MYO1F: variants seen among roughly 807,000 people sequenced by gnomAD.
The protein encoded by MYO1F is myosin IF, also known as unconventional myosin-If.
Under a neutral mutation model 146.6 loss-of-function variants are expected in MYO1F, and 60 were observed. That is an observed-to-expected ratio of 0.41 (90% CI 0.33 to 0.51). The LOEUF (loss-of-function observed/expected upper bound fraction) is 0.51, where lower values mean the gene tolerates loss of function less well. MYO1F is among the 20% of genes least tolerant of loss of function. The probability of loss-of-function intolerance (pLI) is 0.25; values close to 1 mark genes in which losing one functional copy is unlikely to be tolerated. For missense variants in MYO1F, 1,274 were observed against 1,534.3 expected, an observed-to-expected ratio of 0.83 and a Z score of 2.83; for synonymous variants, 602 against 602.1, an observed-to-expected ratio of 1.00 and a Z score of 0.00.
chr19:8,532,603 T>C (rs1230956835), intron 19 of MYO1F, among the ~76,000 whole-genome samples: 1 of 152,002 alleles, frequency 6.6e-6, no homozygotes, highest in Non-Finnish European at 1.5e-5. Context: ...AATGCAAATA[T>C]AGGCTGGGTG....
intron 9 of MYO1F, 44 bp from the exon 10 acceptor site, chr19:8,550,400 G>A (rs191128252): frequency 1.3e-6 from 2 of 1,591,320 alleles, no homozygotes; most frequent in Admixed American, 1.8e-5. Flanking sequence ...AGTTGGTTGG[G>A]CTCTTGTGCC....
At chr19:8,572,737 T>C (rs782431627) in intron 1 of MYO1F, among the ~76,000 whole-genome samples, 3 of 152,058 alleles carry the variant, frequency 2.0e-5, no homozygotes, top group African/African-American at 4.8e-5. Flanking sequence ...TCTCTGTTGC[T>C]CAGGCTGGAG....
chr19:8,548,003 GGAT>G, intron 12 of MYO1F, 30 bp downstream of exon 12: 3 of 655,630 alleles, frequency 4.6e-6, no homozygotes, highest in Non-Finnish European at 7.7e-6. Context: ...CCCCACCCCA[GGAT>G]CCCCCATCCC....
At position 8,543,966 on chromosome 19, in the gene MYO1F, GTGGTGC is replaced by G. The variant is rs1168863193; in HGVS notation, c.1524+325_1524+330del. On this transcript the variant is annotated intron_variant, in intron 14 of 27. Coordinates refer to ENST00000644032, the MANE Select transcript of MYO1F (RefSeq NM_012335.4). ...GGTGGTGCTGGTGGTGGTGGTGGTGGTGGTGCTGGTGCTGGTGCTGGTGGTGGTGCT... is the reference window on the plus strand; with the variant it reads ...GGTGGTGCTGGTGGTGGTGGTGGTGGTGGTGCTGGTGCTGGTGGTGGTGCT... 1.6e-3 allele frequency: 545 copies of G among 344,020 alleles called. 42 individuals are homozygous for G. In the African/African-American group the frequency reaches 0.018, roughly 11 times the overall value. The allele number at this position is 344,020 out of a possible 1,614,324, so 21.3% of individuals were successfully genotyped here.
chr19:8,550,045 C>T (rs1442063283), intron 10 of MYO1F, 115 bp downstream of exon 10: 1 of 1,242,558 alleles, frequency 8.0e-7, no homozygotes. Context: ...AAGAATGCTC[C>T]CAACTCAGCC....
In MYO1F at chr19:8,540,193, T is replaced by G. The variant is rs10411722; in HGVS notation, c.1611-165A>C. 1,072 of 580,046 alleles carry G rather than the reference T, an allele frequency of 1.8e-3. 11 individuals are homozygous for G. The African/African-American group carries it at 0.019, about 10-fold the overall frequency. The allele number at this position is 580,046 out of a possible 1,614,324, so 35.9% of individuals were successfully genotyped here. ...GCAGAGGGTTGGTTTTTTGGTTTGT[T>G]TTTTGAGGCAGGGCCTCGCTTTGTC... On this transcript the variant is annotated intron_variant, in intron 15 of 27. Coordinates refer to ENST00000644032, the MANE Select transcript of MYO1F (RefSeq NM_012335.4).
At chr19:8,572,299 G>T (rs983154131) in intron 1 of MYO1F, among the ~76,000 whole-genome samples, 5 of 151,564 alleles carry the variant, frequency 3.3e-5, no homozygotes, top group Non-Finnish European at 7.4e-5. Context: ...ACAGAGTCTC[G>T]CTCTGTTGCC....
rs533073184 is a variant in MYO1F, at chr19:8,538,765, A to AT, written c.1692+1181dup. 3.0e-3 allele frequency among the ~76,000 whole-genome samples: 449 copies of AT among 151,902 alleles called. 2 individuals carry two copies. Among genetic ancestry groups the AT allele is most frequent in the African/African-American group, 9.6e-3 (398 of 41,458 alleles). On this transcript the variant is annotated intron_variant, in intron 16 of 27. Coordinates refer to ENST00000644032, the MANE Select transcript of MYO1F (RefSeq NM_012335.4). Reference sequence around the variant, plus strand: ...ACTATGCTTGGCTAATTTTTAATTTATTTTTTATAGAGACGGGGTCTTGTT... The same window carrying AT: ...ACTATGCTTGGCTAATTTTTAATTTATTTTTTTATAGAGACGGGGTCTTGTT...
At chr19:8,573,246 G>A (rs192474834) in intron 1 of MYO1F, among the ~76,000 whole-genome samples, 1 of 152,226 alleles carries the variant, frequency 6.6e-6, no homozygotes, top group African/African-American at 2.4e-5. Context: ...AGGAGGTGGG[G>A]CTTGCAGTGA....
chr19:8,562,151 G>A (rs573639030), intron 1 of MYO1F, among the ~76,000 whole-genome samples: 97 of 146,512 alleles, frequency 6.6e-4, no homozygotes, highest in African/African-American at 2.3e-3. Context: ...TCTCCTGCCC[G>A]GCTAATTTTT....
intron 19 of MYO1F, among the ~76,000 whole-genome samples, chr19:8,532,804 T>C (rs1306453935): frequency 6.6e-6 from 1 of 151,588 alleles, no homozygotes; most frequent in African/African-American, 2.4e-5. Context: ...GGGAGGATTC[T>C]TTGAGCCCAG....
intron 1 of MYO1F, among the ~76,000 whole-genome samples, chr19:8,567,213 C>T (rs1442598286): frequency 1.3e-5 from 2 of 151,722 alleles, no homozygotes; most frequent in African/African-American, 4.8e-5. Flanking sequence ...ATTATAGGCA[C>T]CCACCACCAA....
chr19:8,544,000 T>TGCTGGCGGTGGCGGTGGC (rs1973207343), intron 14 of MYO1F: 1 of 153,202 alleles, frequency 6.5e-6, no homozygotes, highest in African/African-American at 9.0e-5. Context: ...GTGGTGCTGG[T>TGCTGGCGGTGGCGGTGGC]GGTGGCGGTG....
At chr19:8,562,877 G>A (rs2041931554) in intron 1 of MYO1F, among the ~76,000 whole-genome samples, 1 of 152,166 alleles carries the variant, frequency 6.6e-6, no homozygotes, top group Non-Finnish European at 1.5e-5. Context: ...AGTCATGCCG[G>A]TGGTGGCGTT....
At chr19:8,553,931 T>TCTC (rs1600001328) in intron 4 of MYO1F, among the ~76,000 whole-genome samples, 10 of 77,912 alleles carry the variant, frequency 1.3e-4, no homozygotes, top group South Asian at 4.9e-4. Flanking sequence ...CTCGCTCTCT[T>TCTC]TCTCTCTCTC....
rs1599921650 is a variant in MYO1F at position 8,530,478 on chromosome 19, G to A, written c.2139C>T (p.Tyr713=). 3.7e-6 allele frequency: 6 copies of A among 1,613,694 alleles called. 1 individual carries two copies. The highest frequency in any genetic ancestry group is 2.2e-5 in the South Asian group (2 of 91,082). ...TCTCACCTTCCTCCCGCATCTCCTC[G>A]TACTTCCGGACAGCCACGTGGCGCC... is the stretch of plus-strand genomic sequence containing the variant. The part of the protein sequence containing the change: ...AWRRHVAVRK[Y]EEMREEASNI... The change falls in exon 20 of 28, where the codon TAC becomes TAT. Residue 713 remains tyrosine, a synonymous_variant. Transcript: ENST00000644032. This position sits in a 1 kb window ranked among gnomAD's most constrained non-coding sequence, Gnocchi z 5.8.
intron 2 of MYO1F, among the ~76,000 whole-genome samples, chr19:8,554,988 A>T (rs1410973034): frequency 6.6e-6 from 1 of 152,080 alleles, no homozygotes; most frequent in Non-Finnish European, 1.5e-5. Flanking sequence ...GTTTGAGACC[A>T]GCCTGGCCAA....
chr19:8,568,039 G>C (rs1172136256), intron 1 of MYO1F, among the ~76,000 whole-genome samples: 1 of 152,128 alleles, frequency 6.6e-6, no homozygotes, highest in African/African-American at 2.4e-5. Context: ...TCATCTGGCA[G>C]AGTGGCCCTC....
At position 8,525,513 on chromosome 19, in the gene MYO1F, T is replaced by C. The variant is rs373454385; in HGVS notation, c.2820A>G (p.Gln940=). The change falls in exon 25 of 28, where the codon CAA becomes CAG. Residue 940 remains glutamine (Q), a synonymous_variant. Transcript: ENST00000644032. ...GCGCAGGGGCCGCCCGGGTAGGGGC[T>C]TGGGACGACCTCCGAGGTTTTCCCT... ...MAKGKPRRSS[Q]APTRAAPAPP... 2.5e-6 allele frequency: 4 copies of C among 1,613,438 alleles called. No individual in the cohort carries two copies. The highest frequency in any genetic ancestry group is 3.4e-6 in the Non-Finnish European group (4 of 1,179,978).
Sources: gnomAD v4.1 joint callset for allele counts (sites outside exome capture counted in the v4.1 genomes callset) on GRCh38, gnomAD v4.1.1 for gene constraint, Gnocchi (gnomAD v3.1) non-coding constraint, MANE v1.5 for transcripts, NCBI Gene and HGNC (gene_info 2026-07-23, HGNC 2026-07-21) for gene names.